The following CCDC13 variants were observed in gnomAD, a reference collection of about 807,000 sequenced individuals.
CCDC13 encodes the protein coiled-coil domain-containing protein 13.
CCDC13 carries 70 observed loss-of-function variants against 87.3 expected under a neutral mutation model. The ratio of observed to expected loss-of-function variants is 0.80; its 90% CI spans 0.66 to 0.98. The LOEUF (loss-of-function observed/expected upper bound fraction) is 0.98, where lower values mean the gene tolerates loss of function less well. Ranked by LOEUF, CCDC13 falls within the 50% of genes least tolerant of loss-of-function variation. The pLI is 0.00. For missense variants in CCDC13, 842 were observed against 892.0 expected, an observed-to-expected ratio of 0.94 and a Z score of 0.71; for synonymous variants, 317 against 360.3, an observed-to-expected ratio of 0.88 and a Z score of 1.36.
intron 6 of CCDC13, chr3:42,746,894 G>GTGAC (rs1278871671): frequency 2.7e-6 from 1 of 371,382 alleles, no homozygotes; most frequent in African/African-American, 2.1e-5. Flanking sequence ...TTAAGTAAGG[G>GTGAC]TGACATTAAG....
intron 13 of CCDC13, among the ~76,000 whole-genome samples, chr3:42,728,331 A>C (rs1698738178): frequency 6.6e-6 from 1 of 152,068 alleles, no homozygotes; most frequent in Non-Finnish European, 1.5e-5. Context: ...AGGGCAACTG[A>C]GGCAGCTGGA....
chr3:42,772,291 GTAATAAT>G (rs1700141768), intron 1 of CCDC13, among the ~76,000 whole-genome samples: 1 of 76,500 alleles, frequency 1.3e-5, no homozygotes, highest in Non-Finnish European at 2.6e-5. Context: ...AAAAAAAAAA[GTAATAAT>G]AAAAAAAATA....
chr3:42,749,923 T>C (rs1321303502), intron 5 of CCDC13: 1 of 456,722 alleles, frequency 2.2e-6, no homozygotes, highest in Admixed American at 2.3e-5. Flanking sequence ...TGCAGGCCTC[T>C]GGAGTGTGGC....
At chr3:42,718,741 G>T (rs1173580418) in intron 13 of CCDC13, among the ~76,000 whole-genome samples, 1 of 152,122 alleles carries the variant, frequency 6.6e-6, no homozygotes, top group African/African-American at 2.4e-5. Flanking sequence ...CTAACTTTGG[G>T]TAAGTGGTGG....
At chr3:42,718,396 A>G (rs1698481059) in intron 13 of CCDC13, among the ~76,000 whole-genome samples, 1 of 152,274 alleles carries the variant, frequency 6.6e-6, no homozygotes, top group African/African-American at 2.4e-5. Context: ...TTAGCACATC[A>G]TCAAGAAATA....
intron 1 of CCDC13, chr3:42,771,023 A>G (rs1393874592): frequency 6.6e-6 from 1 of 152,268 alleles, no homozygotes; most frequent in African/African-American, 2.4e-5. Context: ...TCTGGACTCA[A>G]TAACTTTATT....
chr3:42,770,024 T>C (rs35766391), intron 1 of CCDC13, among the ~76,000 whole-genome samples: 26,701 of 152,290 alleles, frequency 0.18, 2,507 homozygotes, highest in South Asian at 0.26. Flanking sequence ...CCTGGTCCCA[T>C]CAAAAGCCCA....
chr3:42,768,361 A>G (rs1394418508), intron 1 of CCDC13, among the ~76,000 whole-genome samples: 2 of 152,242 alleles, frequency 1.3e-5, no homozygotes, highest in Admixed American at 6.5e-5. Flanking sequence ...ATTCAACTTC[A>G]TTAAAATTAT....
intron 13 of CCDC13, among the ~76,000 whole-genome samples, chr3:42,720,665 G>A (rs940170315): frequency 1.3e-5 from 2 of 152,156 alleles, no homozygotes; most frequent in African/African-American, 4.8e-5. Flanking sequence ...AAAGGTTAAA[G>A]GATTGTTTTA....
chr3:42,713,720 T>A (rs1291270917), intron 13 of CCDC13, among the ~76,000 whole-genome samples: 1 of 152,220 alleles, frequency 6.6e-6, no homozygotes, highest in Non-Finnish European at 1.5e-5. Flanking sequence ...ACTCTCCTCC[T>A]ACGAAACAGA....
chr3:42,711,410 C>T (rs1698311661), intron 14 of CCDC13, among the ~76,000 whole-genome samples: 1 of 152,136 alleles, frequency 6.6e-6, no homozygotes, highest in African/African-American at 2.4e-5. Context: ...TGCTGAGAGG[C>T]CTCAGGCAAA....
chr3:42,758,564 A>G (rs1386986347), intron 1 of CCDC13, among the ~76,000 whole-genome samples: 2 of 152,180 alleles, frequency 1.3e-5, no homozygotes, highest in African/African-American at 4.8e-5. Flanking sequence ...ATGCCACCAG[A>G]TTGCACATGG....
chr3:42,767,141 T>G (rs1351320512), intron 1 of CCDC13, among the ~76,000 whole-genome samples: 1 of 151,814 alleles, frequency 6.6e-6, no homozygotes, highest in East Asian at 1.9e-4. Flanking sequence ...TGACTGATTG[T>G]CTATGCAGAA....
intron 1 of CCDC13, among the ~76,000 whole-genome samples, chr3:42,763,247 A>G (rs973865421): frequency 1.3e-5 from 2 of 152,232 alleles, no homozygotes; most frequent in Non-Finnish European, 2.9e-5. Context: ...AGTAGATTGC[A>G]GTCTGTTTAA....
chr3:42,762,719 G>A (rs1034313172), intron 1 of CCDC13, among the ~76,000 whole-genome samples: 4 of 152,088 alleles, frequency 2.6e-5, no homozygotes, highest in East Asian at 1.9e-4. Context: ...ATTTTGACCC[G>A]TATTCTTTCA....
intron 1 of CCDC13, among the ~76,000 whole-genome samples, chr3:42,772,188 T>G (rs1288272765): frequency 1.4e-5 from 2 of 147,690 alleles, no homozygotes; most frequent in Non-Finnish European, 3.0e-5. Context: ...GAGAATCGCT[T>G]GAACCTGGGA....
intron 1 of CCDC13, among the ~76,000 whole-genome samples, chr3:42,765,831 C>A (rs1452657013): frequency 5.9e-5 from 9 of 152,130 alleles, no homozygotes; most frequent in Admixed American, 5.2e-4. Context: ...ATGAAAGGTT[C>A]AGAATGGCCA....
At chr3:42,732,096 C>G (rs1698849114) in intron 12 of CCDC13, among the ~76,000 whole-genome samples, 1 of 152,220 alleles carries the variant, frequency 6.6e-6, no homozygotes, top group African/African-American at 2.4e-5. Flanking sequence ...ACCTCCCACC[C>G]TAAGGAGCGT....
At chr3:42,739,852 G>T (rs757700939) in intron 8 of CCDC13, 42 bp from the exon 9 acceptor site, 1 of 1,589,678 alleles carries the variant, frequency 6.3e-7, no homozygotes, top group South Asian at 1.1e-5. Flanking sequence ...GGGCTGTGTG[G>T]GACCTTGGCC....
Sources: gnomAD v4.1 joint callset for allele counts (sites outside exome capture counted in the v4.1 genomes callset) on GRCh38, gnomAD v4.1.1 for gene constraint, MANE v1.5 for transcripts, NCBI Gene and HGNC (gene_info 2026-07-23, HGNC 2026-07-21) for gene names.